The following ERO1A variants were observed in gnomAD, a reference collection of about 807,000 sequenced individuals.
ERO1A encodes the protein endoplasmic reticulum oxidoreductase 1 alpha.
Under a neutral mutation model 76.9 loss-of-function variants are expected in ERO1A, and 49 were observed. The ratio of observed to expected loss-of-function variants is 0.64; its 90% CI spans 0.51 to 0.81. The LOEUF (loss-of-function observed/expected upper bound fraction) is 0.81, where lower values mean the gene tolerates loss of function less well. ERO1A is among the 30% of genes least tolerant of loss of function. ERO1A has a pLI of 0.00. For missense variants in ERO1A, 448 were observed against 542.1 expected (o/e 0.83, Z 1.72); for synonymous variants, 174 against 181.2 (o/e 0.96, Z 0.32).
At chr14:52,650,586 G>C (rs2039823974) in intron 13 of ERO1A, among the ~76,000 whole-genome samples, 1 of 151,706 alleles carries the variant, frequency 6.6e-6, no homozygotes, top group Admixed American at 6.6e-5. Context: ...TCATGTGTGT[G>C]TGTATATATA....
intron 10 of ERO1A, 55 bp from the exon 11 acceptor site, chr14:52,658,064 T>C: frequency 6.6e-7 from 1 of 1,506,314 alleles, no homozygotes; most frequent in Non-Finnish European, 9.2e-7. Flanking sequence ...CTTGTAGACA[T>C]AAAATTAATC....
chr14:52,658,138 T>C lies in ERO1A; in HGVS notation c.701A>G (p.Tyr234Cys), dbSNP rs753901014. ...GQGTSEENTF[Y>C]SWLEGLCVEK... ...TTTCTAATTACCTTCTAGCCAACTG[T>C]AAAAAGTGTTCTCTGAAATCAAAAG... Residue 234 changes from tyrosine to cysteine, a missense_variant, in exon 10 of 16, where the codon TAC becomes TGC. By Grantham distance (194) the Tyr-to-Cys change is radical. Transcript: ENST00000395686. 1.3e-6 allele frequency: 2 copies of C among 1,502,670 alleles called. No homozygotes were observed. The highest frequency in any genetic ancestry group is 9.1e-7 in the Non-Finnish European group (1 of 1,094,006). The allele number at this position is 1,502,670 out of a possible 1,614,324, so 93.1% of individuals were successfully genotyped here.
chr14:52,668,007 A>C (rs1206636502), intron 6 of ERO1A, among the ~76,000 whole-genome samples: 1 of 152,026 alleles, frequency 6.6e-6, no homozygotes, highest in African/African-American at 2.4e-5. Flanking sequence ...AGTATATTAG[A>C]AGCATAAATT....
intron 8 of ERO1A, among the ~76,000 whole-genome samples, chr14:52,662,429 C>T (rs1342067132): frequency 6.6e-6 from 1 of 152,152 alleles, no homozygotes; most frequent in Non-Finnish European, 1.5e-5. Flanking sequence ...TCATCCCCTT[C>T]TAGGAGGAAA....
At chr14:52,679,418 ATTT>A (rs3064778) in intron 3 of ERO1A, among the ~76,000 whole-genome samples, 2 of 146,854 alleles carry the variant, frequency 1.4e-5, no homozygotes, top group Non-Finnish European at 3.0e-5. Context: ...CCTTCCAATG[ATTT>A]TTTTTTTTTT....
chr14:52,674,356 C>T (rs2040711118), intron 4 of ERO1A, among the ~76,000 whole-genome samples: 1 of 152,024 alleles, frequency 6.6e-6, no homozygotes, highest in African/African-American at 2.4e-5. Flanking sequence ...CCACACTTGG[C>T]TAATTTTTTT....
chr14:52,686,747 T>C (rs980613286), intron 1 of ERO1A, among the ~76,000 whole-genome samples: 3 of 151,976 alleles, frequency 2.0e-5, no homozygotes, highest in African/African-American at 7.2e-5. Context: ...TGGTGGCACA[T>C]GTCTGTAGTC....
chr14:52,680,768 A>C (rs2040967288), intron 3 of ERO1A, among the ~76,000 whole-genome samples: 2 of 152,234 alleles, frequency 1.3e-5, no homozygotes, highest in South Asian at 4.1e-4. Context: ...TTAATCCTTT[A>C]ATTTTCAATA....
In ERO1A at chr14:52,683,759, C is replaced by T. The variant is rs574223044; in HGVS notation, c.234+29G>A. The T allele has an allele frequency of 1.7e-5, 17 of 988,666 alleles. No individual in the cohort carries two copies. In the Admixed American group the frequency reaches 4.2e-4, roughly 25 times the overall value. 61.2% of individuals were successfully genotyped at this position (988,666 alleles called of 1,614,324 possible). A position where few individuals can be genotyped will look rare whatever the true frequency, so the allele number is the denominator to read the frequency against. ...AATCTAATTATCCATTTAAAGTATT[C>T]ATATATAAAAAATTAAAATTAAAAA... On this transcript the variant is annotated intron_variant, in intron 2 of 15. Coordinates refer to ENST00000395686, the MANE Select transcript of ERO1A (RefSeq NM_014584.3).
intron 1 of ERO1A, among the ~76,000 whole-genome samples, chr14:52,694,639 G>A (rs1258647054): frequency 6.6e-6 from 1 of 151,884 alleles, no homozygotes; most frequent in Admixed American, 6.6e-5. Context: ...ATGGAAAACT[G>A]TAAGTTTCTC....
At chr14:52,693,343 T>G (rs1231597441) in intron 1 of ERO1A, among the ~76,000 whole-genome samples, 1 of 152,166 alleles carries the variant, frequency 6.6e-6, no homozygotes, top group African/African-American at 2.4e-5. Context: ...CCTTCCAGCC[T>G]ACATCTTTCT....
At chr14:52,655,915 A>T (rs2040028137) in intron 11 of ERO1A, among the ~76,000 whole-genome samples, 1 of 152,214 alleles carries the variant, frequency 6.6e-6, no homozygotes, top group Non-Finnish European at 1.5e-5. Context: ...TTTATTTTGT[A>T]AAACATAATG....
In ERO1A at chr14:52,653,201, T is replaced by C. The variant is rs542544751; in HGVS notation, c.923A>G (p.Tyr308Cys). ...PRRLKNLYFL[Y>C]LIELRALSKV... is the part of the protein sequence containing the mutation. ...GGATAAAGCCCTTAGTTCTATTAAG[T>C]AGAGAAAATACAAGTTCTTAAGCCT... is the stretch of plus-strand genomic sequence containing the variant. The change falls in exon 12 of 16, where the codon TAC becomes TGC. Residue 308 changes from tyrosine to cysteine, a missense_variant. By Grantham distance (194) the Tyr-to-Cys change is radical. Around this residue, in one of 2 missense-constraint regions of ERO1A, gnomAD observed 302 missense variants for 411.9 expected, o/e 0.73. Transcript: ENST00000395686. 36 of 1,613,304 alleles carry C rather than the reference T, an allele frequency of 2.2e-5. No individual in the cohort carries two copies. Among genetic ancestry groups the C allele is most frequent in the Non-Finnish European group, 2.8e-5 (33 of 1,179,586 alleles).
chr14:52,649,632 T>C (rs1216760252), intron 13 of ERO1A, among the ~76,000 whole-genome samples: 1 of 148,104 alleles, frequency 6.8e-6, no homozygotes, highest in Non-Finnish European at 1.5e-5. Flanking sequence ...CACTTTCCAA[T>C]AAAGCAGCAA....
chr14:52,666,813 C>G (rs1157219482), intron 6 of ERO1A, among the ~76,000 whole-genome samples: 1 of 152,152 alleles, frequency 6.6e-6, no homozygotes, highest in Non-Finnish European at 1.5e-5. Context: ...CGCCTGTAGT[C>G]CCAGCTACTC....
chr14:52,663,441 T>C (rs2040293904), intron 8 of ERO1A, among the ~76,000 whole-genome samples: 1 of 151,664 alleles, frequency 6.6e-6, no homozygotes, highest in South Asian at 2.1e-4. Flanking sequence ...CTACTAAAAA[T>C]ACAAAAAAAT....
intron 8 of ERO1A, 81 bp from the exon 9 acceptor site, chr14:52,661,385 G>A: frequency 8.6e-7 from 1 of 1,168,264 alleles, no homozygotes; most frequent in East Asian, 2.7e-5. Flanking sequence ...ATAAAAATAA[G>A]ACTTTAATAA....
intron 1 of ERO1A, among the ~76,000 whole-genome samples, chr14:52,684,797 TTC>T (rs1206227042): frequency 5.5e-5 from 1 of 18,062 alleles, no homozygotes; most frequent in African/African-American, 2.6e-4. Context: ...GAAACTAGAA[TTC>T]TTTTTTTTTC....
At chr14:52,685,093 A>T (rs936953209) in intron 1 of ERO1A, among the ~76,000 whole-genome samples, 1 of 152,126 alleles carries the variant, frequency 6.6e-6, no homozygotes, top group Non-Finnish European at 1.5e-5. Flanking sequence ...TAAGGAAGCA[A>T]ATCAATAATA....
Sources: gnomAD v4.1 joint callset for allele counts (sites outside exome capture counted in the v4.1 genomes callset) on GRCh38, gnomAD v4.1.1 for gene constraint, gnomAD v4.1.1 regional missense constraint, MANE v1.5 for transcripts, NCBI Gene and HGNC (gene_info 2026-07-23, HGNC 2026-07-21) for gene names.